The following RELCH variants were observed in gnomAD, a reference collection of about 807,000 sequenced individuals.
RELCH encodes the protein RAB11 binding and LisH domain, coiled-coil and HEAT repeat containing, also known as RAB11-binding protein RELCH.
A neutral mutation model predicts 150.3 loss-of-function variants in RELCH; 41 were observed. The observed-to-expected ratio is 0.27, with a 90% CI of 0.21 to 0.35. RELCH has a LOEUF of 0.35. Among genes scored for constraint, RELCH ranks in the 10% least tolerant of loss-of-function variants. The pLI is 1.00. For synonymous variants in RELCH, 478 were observed against 531.8 expected (o/e 0.90, Z 1.39); for missense variants, 1,092 against 1,467.8 (o/e 0.74, Z 4.18).
At position 62,257,902 on chromosome 18, in the gene RELCH, T is replaced by C. The variant is rs200097157; in HGVS notation, c.1897-46T>C. 1,728 of 1,422,840 alleles carry C rather than the reference T, an allele frequency of 1.2e-3. 2 individuals are homozygous for C. The highest frequency in any genetic ancestry group is 4.4e-3 in the Middle Eastern group (22 of 5,000). The allele number at this position is 1,422,840 out of a possible 1,614,324, so 88.1% of individuals were successfully genotyped here. Reference sequence around the variant, plus strand: ...TGTTTGTCATATTATTTTCTATACTTCTGTGCTTAGGTGTAAATAAATAGT... The same window carrying C: ...TGTTTGTCATATTATTTTCTATACTCCTGTGCTTAGGTGTAAATAAATAGT... On this transcript the variant is annotated intron_variant, in intron 13 of 28. Coordinates refer to ENST00000644646, the MANE Select transcript of RELCH (RefSeq NM_001346231.2).
At position 62,305,550 on chromosome 18, in the gene RELCH, C is replaced by T. The variant is rs774804415; in HGVS notation, c.*16C>T. ...AAAGAAGTAGAAGCAGGAAAGAAGC[C>T]CCCAGTAAACACTAAGATGGACCTC... On this transcript the variant is annotated 3_prime_UTR_variant, in exon 29 of 29. Coordinates refer to ENST00000644646, the MANE Select transcript of RELCH (RefSeq NM_001346231.2). This position sits in a 1 kb window ranked among gnomAD's most constrained non-coding sequence, Gnocchi z 4.0. 52 of 1,599,684 alleles carry T rather than the reference C, an allele frequency of 3.3e-5. No individual in the cohort carries two copies. The highest frequency in any genetic ancestry group is 4.4e-5 in the Non-Finnish European group (52 of 1,174,190).
At chr18:62,200,421 C>G (rs182885080) in intron 1 of RELCH, among the ~76,000 whole-genome samples, 3 of 152,228 alleles carry the variant, frequency 2.0e-5, no homozygotes, top group Admixed American at 2.0e-4. Context: ...GGGGATTGTA[C>G]TGTCTTAATT....
chr18:62,296,314 G>A (rs866652008), intron 27 of RELCH, among the ~76,000 whole-genome samples: 4 of 152,108 alleles, frequency 2.6e-5, no homozygotes, highest in African/African-American at 7.2e-5. Context: ...GCAGCCAGGC[G>A]TGGTGGCCCA....
chr18:62,221,520 C>A (rs1354891432), intron 5 of RELCH, 23 bp downstream of exon 5: 1 of 1,148,674 alleles, frequency 8.7e-7, no homozygotes, highest in Non-Finnish European at 1.2e-6. Flanking sequence ...TTTGTTTTTA[C>A]AGTGATTTTT....
At chr18:62,234,495 A>G (rs943357976) in intron 10 of RELCH, among the ~76,000 whole-genome samples, 25 of 152,014 alleles carry the variant, frequency 1.6e-4, no homozygotes, top group African/African-American at 5.5e-4. Context: ...CAAGTTTGAT[A>G]TATATTCTCT....
At chr18:62,221,569 CTTTT>C in intron 5 of RELCH, 72 bp downstream of exon 5, 2 of 470,074 alleles carry the variant, frequency 4.3e-6, no homozygotes, top group Non-Finnish European at 7.2e-6. Context: ...TACGTAGTTT[CTTTT>C]TTTTTTTTTT....
intron 25 of RELCH, among the ~76,000 whole-genome samples, chr18:62,282,962 GGATGGTCTTATACTGTATAAGTATACA>G (rs1306678854): frequency 2.0e-5 from 3 of 152,086 alleles, no homozygotes; most frequent in East Asian, 3.8e-4. Context: ...CCGCCCTAGT[GGATGGTCTTATACTGTATAAGTATACA>G]GATGGTCTTA....
chr18:62,212,311 A>G (rs2040222040), intron 2 of RELCH, among the ~76,000 whole-genome samples: 1 of 152,228 alleles, frequency 6.6e-6, no homozygotes, highest in Non-Finnish European at 1.5e-5. Context: ...TGTAGTTTTC[A>G]TAAGACTTAG....
chr18:62,236,054 A>G (rs1023762530), intron 10 of RELCH, among the ~76,000 whole-genome samples: 8 of 151,990 alleles, frequency 5.3e-5, no homozygotes, highest in Non-Finnish European at 7.4e-5. Context: ...GAAAGCTTCA[A>G]TCTTTCACCA....
intron 28 of RELCH, among the ~76,000 whole-genome samples, chr18:62,302,649 C>T (rs2045715330): frequency 6.6e-6 from 1 of 152,044 alleles, no homozygotes; most frequent in South Asian, 2.1e-4. Context: ...GCCTCCCTCC[C>T]GAGTAGCTGG....
At chr18:62,249,922 A>C (rs2042612665) in intron 11 of RELCH, among the ~76,000 whole-genome samples, 1 of 152,198 alleles carries the variant, frequency 6.6e-6, no homozygotes, top group Admixed American at 6.5e-5. Flanking sequence ...ATTTTTCTTA[A>C]TGAATCTCAG....
At chr18:62,270,278 A>G (rs117509156) in intron 20 of RELCH, among the ~76,000 whole-genome samples, 2,600 of 152,296 alleles carry the variant, frequency 0.017, 87 homozygotes, top group East Asian at 0.13. Context: ...TCCCTTGCTA[A>G]ATAAGTCACA....
intron 2 of RELCH, among the ~76,000 whole-genome samples, chr18:62,219,912 G>C (rs2040741907): frequency 6.6e-6 from 1 of 151,948 alleles, no homozygotes; most frequent in Non-Finnish European, 1.5e-5. Context: ...GTATTAGTCA[G>C]TTAGGAAAAA....
Position 62,275,405 on chromosome 18 carries a change from A to G in RELCH, c.2899A>G (p.Thr967Ala). ...CCCAGCCTACCATGAGTTACTATTA[A>G]CTGTTTTGTGGTATGGTGTTGTCCA... ...ANPAYHELLL[T>A]VLWYGVVHTS... The change falls in exon 22 of 29, where the codon ACT (threonine) becomes GCT (alanine). Residue 967 changes from threonine to alanine, a missense_variant. Around this residue, in one of 4 missense-constraint regions of RELCH, gnomAD observed 707 missense variants for 1,025.4 expected, o/e 0.69. Transcript: ENST00000644646. 8.3e-6 allele frequency: 13 copies of G among 1,565,752 alleles called. No individual in the cohort carries two copies. The highest frequency in any genetic ancestry group is 1.1e-5 in the Non-Finnish European group (13 of 1,163,596).
At chr18:62,200,372 A>G (rs572841870) in intron 1 of RELCH, among the ~76,000 whole-genome samples, 3 of 152,316 alleles carry the variant, frequency 2.0e-5, no homozygotes, top group Admixed American at 6.5e-5. Flanking sequence ...TAAATACTGC[A>G]TAAGTACATA....
chr18:62,230,924 GT>G (rs1568350792), intron 8 of RELCH, among the ~76,000 whole-genome samples: 1 of 151,830 alleles, frequency 6.6e-6, no homozygotes, highest in Non-Finnish European at 1.5e-5. Flanking sequence ...ACCACTTTAG[GT>G]TTGATCCACT....
At chr18:62,238,321 A>G (rs1178356748) in intron 10 of RELCH, among the ~76,000 whole-genome samples, 1 of 151,886 alleles carries the variant, frequency 6.6e-6, no homozygotes, top group East Asian at 1.9e-4. Context: ...AGATGGACTG[A>G]TTTTTTATAT....
At chr18:62,279,006 G>A (rs750583148) in intron 22 of RELCH, among the ~76,000 whole-genome samples, 1 of 152,086 alleles carries the variant, frequency 6.6e-6, no homozygotes, top group Non-Finnish European at 1.5e-5. Context: ...TTGAATGCCT[G>A]TTTGTCAGGC....
At chr18:62,273,511 A>AGAGATAAG (rs1323623092) in intron 20 of RELCH, among the ~76,000 whole-genome samples, 2 of 152,270 alleles carry the variant, frequency 1.3e-5, no homozygotes, top group Admixed American at 1.3e-4. Context: ...TATGGGAACA[A>AGAGATAAG]AAATTCGTAA....
Sources: gnomAD v4.1 joint callset for allele counts (sites outside exome capture counted in the v4.1 genomes callset) on GRCh38, gnomAD v4.1.1 for gene constraint, gnomAD v4.1.1 regional missense constraint, Gnocchi (gnomAD v3.1) non-coding constraint, MANE v1.5 for transcripts, NCBI Gene and HGNC (gene_info 2026-07-23, HGNC 2026-07-21) for gene names.